The following VPS13B variants were observed in gnomAD, a reference collection of about 807,000 sequenced individuals.
VPS13B encodes the protein intermembrane lipid transfer protein VPS13B.
In VPS13B, 285 loss-of-function variants were observed where a neutral mutation model predicts 426.4. The ratio of observed to expected loss-of-function variants is 0.67; its 90% CI spans 0.61 to 0.74. VPS13B has a LOEUF of 0.74. Ranked by LOEUF, VPS13B falls within the 30% of genes least tolerant of loss-of-function variation. The pLI, the probability that VPS13B is intolerant of heterozygous loss-of-function variation, is 0.00. For synonymous variants in VPS13B, 1,676 were observed against 1,676.4 expected (o/e 1.00, Z 0.01); for missense variants, 4,537 against 4,782.6 (o/e 0.95, Z 1.51).
At chr8:99,142,696 G>C (rs376029710) in intron 12 of VPS13B, among the ~76,000 whole-genome samples, 10 of 152,000 alleles carry the variant, frequency 6.6e-5, no homozygotes, top group African/African-American at 2.4e-4. Flanking sequence ...AAGCCAATTA[G>C]GTTTTGCAGA....
chr8:99,295,679 T>G (rs772584687), intron 19 of VPS13B, among the ~76,000 whole-genome samples: 67 of 152,050 alleles, frequency 4.4e-4, no homozygotes, highest in Non-Finnish European at 4.1e-4. Flanking sequence ...CTGCCCAGCA[T>G]CACAAGAGAG....
chr8:99,161,942 AG>A (rs1811681670), intron 15 of VPS13B, among the ~76,000 whole-genome samples: 1 of 152,122 alleles, frequency 6.6e-6, no homozygotes, highest in Non-Finnish European at 1.5e-5. Context: ...CATGTTGACC[AG>A]GCTGGTCTCG....
intron 16 of VPS13B, among the ~76,000 whole-genome samples, chr8:99,189,133 TAG>T (rs1372227116): frequency 6.6e-6 from 1 of 152,228 alleles, no homozygotes; most frequent in East Asian, 1.9e-4. Flanking sequence ...GCATTTTTAG[TAG>T]AGAGGGGGTT....
chr8:99,861,716 TGCCTTG>T, intron 57 of VPS13B, 54 bp from the exon 58 acceptor site: 8 of 1,554,924 alleles, frequency 5.1e-6, no homozygotes, highest in Non-Finnish European at 7.0e-6. Flanking sequence ...CTGAAACTAC[TGCCTTG>T]GGGTCCATCA....
intron 39 of VPS13B, among the ~76,000 whole-genome samples, chr8:99,740,252 G>A (rs949448341): frequency 7.2e-5 from 11 of 152,158 alleles, no homozygotes; most frequent in African/African-American, 2.7e-4. Context: ...ATGAAATGAA[G>A]TGAGAAGAGA....
rs966152558 is a variant in VPS13B, at chr8:99,575,780, C to G, written c.5072C>G (p.Thr1691Ser). 3.7e-6 allele frequency: 6 copies of G among 1,613,218 alleles called. No homozygotes were observed. The African/African-American group carries it at 8.0e-5, about 22-fold the overall frequency. Residue 1691 changes from threonine to serine, a missense_variant, in exon 32 of 62, where the codon ACT (threonine) becomes AGT (serine). Thr to Ser is a moderately conservative substitution (Grantham distance 58). Around this residue, in one of 2 missense-constraint regions of VPS13B, gnomAD observed 4,311 missense variants for 4,474.3 expected, o/e 0.96. Transcript: ENST00000357162. ...TKVVSPENLH[T>S]EEILVCGHSL... ...GTAGTTTCTCCAGAAAATTTGCATA[C>G]TGAGGTTAGAACATAATTTTGATTT... is the stretch of plus-strand genomic sequence containing the variant.
chr8:99,631,936 C>T (rs1044782251), intron 33 of VPS13B, among the ~76,000 whole-genome samples: 1 of 151,882 alleles, frequency 6.6e-6, no homozygotes, highest in African/African-American at 2.4e-5. Context: ...CTTCAAGAAG[C>T]TTGGGAAATA....
At chr8:99,742,801 A>G (rs1588674131) in intron 39 of VPS13B, among the ~76,000 whole-genome samples, 1 of 152,198 alleles carries the variant, frequency 6.6e-6, no homozygotes, top group East Asian at 1.9e-4. Flanking sequence ...ACTCTCAATA[A>G]ATTAGGTATT....
chr8:99,629,322 A>C (rs546077901), intron 33 of VPS13B, among the ~76,000 whole-genome samples: 1 of 152,286 alleles, frequency 6.6e-6, no homozygotes, highest in South Asian at 2.1e-4. Context: ...AATCACCATC[A>C]TCATTGCCAT....
intron 37 of VPS13B, among the ~76,000 whole-genome samples, chr8:99,718,284 T>G (rs1186853692): frequency 6.6e-6 from 1 of 152,114 alleles, no homozygotes; most frequent in Non-Finnish European, 1.5e-5. Context: ...TCTCACTATG[T>G]TGTTGAGGCT....
intron 31 of VPS13B, among the ~76,000 whole-genome samples, chr8:99,570,863 C>A (rs1825438242): frequency 6.6e-6 from 1 of 152,098 alleles, no homozygotes; most frequent in South Asian, 2.1e-4. Context: ...AATTCTGGTG[C>A]TACTGCTGTA....
At chr8:99,310,616 A>G (rs1820904531) in intron 19 of VPS13B, among the ~76,000 whole-genome samples, 1 of 152,164 alleles carries the variant, frequency 6.6e-6, no homozygotes, top group South Asian at 2.1e-4. Flanking sequence ...TTTTTGCATC[A>G]GTGTTCATCA....
chr8:99,135,878 G>A (rs1810046163), intron 11 of VPS13B, 145 bp downstream of exon 11: 1 of 1,140,092 alleles, frequency 8.8e-7, no homozygotes, highest in Admixed American at 2.3e-5. Context: ...CATTTATACA[G>A]TATACATGTA....
chr8:99,672,554 A>G (rs530597285), intron 35 of VPS13B, among the ~76,000 whole-genome samples: 3 of 152,068 alleles, frequency 2.0e-5, no homozygotes, highest in South Asian at 2.1e-4. Context: ...GGTTTTCTAT[A>G]TATAAGAAAA....
chr8:99,030,066 C>T (rs1362388911), intron 2 of VPS13B, among the ~76,000 whole-genome samples: 1 of 147,888 alleles, frequency 6.8e-6, no homozygotes, highest in Non-Finnish European at 1.5e-5. Context: ...ATGTTTTCAG[C>T]AATTATTTAT....
intron 36 of VPS13B, 150 bp from the exon 37 acceptor site, chr8:99,717,021 T>C: frequency 1.4e-6 from 1 of 731,592 alleles, no homozygotes; most frequent in Non-Finnish European, 2.3e-6. Context: ...GAACTCTGTA[T>C]AAACGGCATG....
At chr8:99,690,302 T>C (rs543603221) in intron 35 of VPS13B, among the ~76,000 whole-genome samples, 1 of 152,162 alleles carries the variant, frequency 6.6e-6, no homozygotes. Context: ...ACAGCACTAA[T>C]TCAGGAAAGA....
intron 26 of VPS13B, 91 bp downstream of exon 26, chr8:99,501,949 C>T (rs1336926755): frequency 1.9e-6 from 2 of 1,049,378 alleles, no homozygotes; most frequent in African/African-American, 2.3e-5. Context: ...CCTTTCTTTT[C>T]TGTCTGTCTG....
chr8:99,237,456 A>G (rs1280224726), intron 17 of VPS13B, among the ~76,000 whole-genome samples: 2 of 152,208 alleles, frequency 1.3e-5, no homozygotes, highest in African/African-American at 4.8e-5. Flanking sequence ...GGGGTAAGCA[A>G]CCAGGCTAAT....
Sources: allele counts gnomAD v4.1 joint callset (sites outside exome capture counted in the v4.1 genomes callset), GRCh38; gene constraint gnomAD v4.1.1; regional missense constraint gnomAD v4.1.1; transcripts MANE v1.5; gene names NCBI Gene and HGNC (gene_info 2026-07-23, HGNC 2026-07-21).